MYBPC2: variants seen among roughly 807,000 people sequenced by gnomAD.
MYBPC2 encodes myosin-binding protein C, fast-type.
MYBPC2 carries 122 observed loss-of-function variants against 137.0 expected under a neutral mutation model. The ratio of observed to expected loss-of-function variants is 0.89; its 90% CI spans 0.77 to 1.03. MYBPC2 has a LOEUF of 1.03. Among genes scored for constraint, MYBPC2 ranks in the 50% least tolerant of loss-of-function variants. MYBPC2 has a pLI of 0.00. For missense variants in MYBPC2, 1,500 were observed against 1,534.4 expected, an observed-to-expected ratio of 0.98 and a Z score of 0.37; for synonymous variants, 626 against 612.3, an observed-to-expected ratio of 1.02 and a Z score of -0.33.
chr19:50,463,926 G>A (rs1324889248), intron 26 of MYBPC2, among the ~76,000 whole-genome samples: 2 of 129,772 alleles, frequency 1.5e-5, no homozygotes, highest in African/African-American at 3.0e-5. Context: ...GAGACAAAGC[G>A]AGATTCTGTC....
At chr19:50,442,149 C>A (rs2122585912) in intron 8 of MYBPC2, 32 bp from the exon 9 acceptor site, 1 of 1,566,644 alleles carries the variant, frequency 6.4e-7, no homozygotes, top group Non-Finnish European at 8.7e-7. Flanking sequence ...GGACCACACG[C>A]CTCCATCCCC....
intron 23 of MYBPC2, 103 bp downstream of exon 23, chr19:50,459,409 A>G (rs1454599419): frequency 2.2e-6 from 2 of 921,296 alleles, no homozygotes; most frequent in Non-Finnish European, 2.9e-6. Flanking sequence ...GTGGGAGATG[A>G]AGGGTGGGAG....
intron 13 of MYBPC2, among the ~76,000 whole-genome samples, chr19:50,449,698 C>T (rs565855754): frequency 2.6e-5 from 4 of 152,272 alleles, no homozygotes; most frequent in South Asian, 2.1e-4. Flanking sequence ...ACAGGTGGCA[C>T]GTGGACACCT....
Position 50,440,934 on chromosome 19 carries a change from C to T in MYBPC2, c.627C>T (p.Gly209=), listed in dbSNP as rs972895601. The part of the protein sequence containing the change: ...KKKKKDDDDL[G]IPPEIWELLK... ...AAAAGAAAGATGACGATGACCTAGGCATCCCCCCGGAGATTTGGGAGCTCC... is the reference window on the plus strand; with the variant it reads ...AAAAGAAAGATGACGATGACCTAGGTATCCCCCCGGAGATTTGGGAGCTCC... Residue 209 remains glycine (G), a synonymous_variant, in exon 8 of 28, where the codon GGC becomes GGT. Coordinates refer to ENST00000357701, the MANE Select transcript of MYBPC2 (RefSeq NM_004533.4). The T allele has an allele frequency of 6.2e-7, 1 of 1,613,658 alleles. No homozygotes were observed.
In MYBPC2 at chr19:50,464,529, C is replaced by T. The variant is rs558432228; in HGVS notation, c.3412C>T (p.Arg1138Ter). The T allele has an allele frequency of 1.7e-5, 28 of 1,605,348 alleles. No individual in the cohort carries two copies. Among genetic ancestry groups the T allele is most frequent in the Non-Finnish European group, 2.2e-5 (26 of 1,176,696 alleles). ...GCTGGCTGAGTGCAAGCTGGAGGTC[C>T]GAGGTGAGGGCGTGGCCATCCCCAA... is the stretch of plus-strand genomic sequence containing the variant. ...EALAECKLEV[R>*]VPQ The change falls in exon 27 of 28, where the codon CGA becomes TGA. Residue 1138 changes from arginine to a stop codon, truncating the protein, a stop_gained. Coordinates refer to ENST00000357701, the MANE Select transcript of MYBPC2 (RefSeq NM_004533.4). LOFTEE classifies it high-confidence loss of function.
intron 14 of MYBPC2, 59 bp downstream of exon 14, chr19:50,450,994 G>T: frequency 6.9e-7 from 1 of 1,448,076 alleles, no homozygotes. Flanking sequence ...GCAGACCCAG[G>T]GCCCGGGATG....
rs1288189888 is a variant in MYBPC2 at position 50,436,673 on chromosome 19, C to T, written c.402C>T (p.Tyr134=). The change falls in exon 5 of 28, where the codon TAC becomes TAT. Residue 134 remains tyrosine (Y), a synonymous_variant. Transcript: ENST00000357701. ...GKVVLGDRGY[Y]RLEVKAKDTC... ...TGGTACTGGGGGACCGTGGGTATTA[C>T]CGCCTCGAGGTCAAAGCCAAGGACA... 1 of 1,613,928 alleles carries T rather than the reference C, an allele frequency of 6.2e-7. No individual in the cohort carries two copies. The highest frequency in any genetic ancestry group is 1.7e-5 in the Admixed American group (1 of 60,012).
In MYBPC2 at chr19:50,440,881, G is replaced by C. The variant is rs1435703418; in HGVS notation, c.574G>C (p.Glu192Gln). The C allele has an allele frequency of 6.2e-7, 1 of 1,611,940 alleles. No homozygotes were observed. The change falls in exon 8 of 28, where the codon GAG becomes CAG. Residue 192 changes from glutamate to glutamine, a missense_variant and splice_region_variant. Coordinates refer to ENST00000357701, the MANE Select transcript of MYBPC2 (RefSeq NM_004533.4). ...LDFSGLLKKR[E>Q]VVEEEKKKKK... ...CCTGTCCGTTCCCCCACCCGCCAGG[G>C]AGGTGGTGGAGGAGGAGAAGAAGAA... is the stretch of plus-strand genomic sequence containing the variant.
Position 50,448,289 on chromosome 19 carries a change from G to A in MYBPC2, c.1371G>A (p.Val457=), listed in dbSNP as rs1346742501. The A allele has an allele frequency of 6.2e-7, 1 of 1,613,898 alleles. No homozygotes were observed. Among genetic ancestry groups the A allele is most frequent in the South Asian group, 1.1e-5 (1 of 91,082 alleles). ...CGGTGAAGGCCTCAGAACAAGCTGT[G>A]TTCAAGTGCGAGGTGTCTGATGAGA... ...DLTVKASEQA[V]FKCEVSDEKV... The change falls in exon 13 of 28, where the codon GTG becomes GTA. Residue 457 remains valine (V), a synonymous_variant. Coordinates refer to ENST00000357701, the MANE Select transcript of MYBPC2 (RefSeq NM_004533.4).
intron 4 of MYBPC2, 98 bp from the exon 5 acceptor site, chr19:50,436,519 G>A: frequency 3.6e-6 from 4 of 1,102,332 alleles, no homozygotes; most frequent in South Asian, 1.4e-5. Context: ...TGGGGTGGGG[G>A]TGAGGACGTG....
chr19:50,443,394 A>T, intron 9 of MYBPC2, 100 bp from the exon 10 acceptor site: 2 of 1,336,854 alleles, frequency 1.5e-6, no homozygotes, highest in African/African-American at 2.9e-5. Context: ...TGGCTCTGAG[A>T]GAGAGAGAGA....
At chr19:50,464,644 C>T (rs1342489806) in intron 27 of MYBPC2, 112 bp downstream of exon 27, 10 of 1,217,184 alleles carry the variant, frequency 8.2e-6, no homozygotes, top group Non-Finnish European at 1.1e-5. Context: ...GTGAGACCAG[C>T]CCTCTGGGAG....
intron 7 of MYBPC2, among the ~76,000 whole-genome samples, chr19:50,438,883 A>G (rs925944309): frequency 9.2e-5 from 14 of 151,962 alleles, no homozygotes; most frequent in African/African-American, 2.9e-4. Context: ...AACCACAAAA[A>G]ATTAAATATC....
At position 50,461,705 on chromosome 19, in the gene MYBPC2, C is replaced by G. The variant is rs2122619780; in HGVS notation, c.3091+4C>G. ...ACGGCCCGCATCCTCAAGACAGGTA[C>G]AGCCATCCTGCCCCACAGCCCAGGC... On this transcript the variant is annotated splice_donor_region_variant and intron_variant, in intron 25 of 27. Transcript: ENST00000357701. The G allele has an allele frequency of 6.2e-7, 1 of 1,613,324 alleles. No individual in the cohort carries two copies. The highest frequency in any genetic ancestry group is 8.5e-7 in the Non-Finnish European group (1 of 1,179,768).
chr19:50,437,198 A>G (rs2039711806), intron 5 of MYBPC2, among the ~76,000 whole-genome samples: 1 of 152,014 alleles, frequency 6.6e-6, no homozygotes, highest in Non-Finnish European at 1.5e-5. Flanking sequence ...TGGGGTGCAC[A>G]GGAAATGAGA....
intron 7 of MYBPC2, 137 bp downstream of exon 7, chr19:50,437,855 C>T (rs1410076792): frequency 2.0e-6 from 2 of 981,950 alleles, no homozygotes; most frequent in Non-Finnish European, 1.5e-6. Context: ...ACTCCCTGCC[C>T]ACCCAGCATC....
chr19:50,433,797 C>G (rs774360658), intron 1 of MYBPC2, among the ~76,000 whole-genome samples: 41 of 152,136 alleles, frequency 2.7e-4, no homozygotes, highest in Admixed American at 5.2e-4. Flanking sequence ...CAGAGGGAGC[C>G]AGGTGCAGGG....
intron 24 of MYBPC2, 112 bp from the exon 25 acceptor site, chr19:50,461,430 T>A (rs2039970338): frequency 8.3e-7 from 1 of 1,197,944 alleles, no homozygotes; most frequent in African/African-American, 1.5e-5. Flanking sequence ...TGAGTGACAT[T>A]TTTTTAAACA....
chr19:50,445,394 C>CT (rs1256768181), intron 11 of MYBPC2, among the ~76,000 whole-genome samples: 1,573 of 137,412 alleles, frequency 0.011, 23 homozygotes, highest in South Asian at 0.026. Flanking sequence ...TCCTCACTGC[C>CT]TTTTTTTTTT....
Sources: gnomAD v4.1 joint callset for allele counts (sites outside exome capture counted in the v4.1 genomes callset) on GRCh38, gnomAD v4.1.1 for gene constraint, MANE v1.5 for transcripts, NCBI Gene and HGNC (gene_info 2026-07-23, HGNC 2026-07-21) for gene names.